The following GLB1L3 variants were observed in gnomAD, a reference collection of about 807,000 sequenced individuals.
GLB1L3 encodes the protein galactosidase beta 1 like 3.
GLB1L3 carries 89 observed loss-of-function variants against 89.5 expected under a neutral mutation model. That is an observed-to-expected ratio of 0.99 (90% CI 0.84 to 1.19). GLB1L3 has a LOEUF of 1.19. Among genes scored for constraint, GLB1L3 ranks in the 50% most tolerant of loss-of-function variants. The pLI, the probability that GLB1L3 is intolerant of heterozygous loss-of-function variation, is 0.00. For synonymous variants in GLB1L3, 314 were observed against 312.3 expected, an observed-to-expected ratio of 1.01 and a Z score of -0.06; for missense variants, 812 against 813.3, an observed-to-expected ratio of 1.00 and a Z score of 0.02.
Position 134,277,370 on chromosome 11 carries a change from C to CATTT in GLB1L3, c.71_74dup (p.Ser26TyrfsTer10), listed in dbSNP as rs761332446. ...AGAATGGCGGGCATCTTTTTCCTGC[C>CATTT]ATTTATCTCATCAGGTTTTGCTCCT... On this transcript the variant is annotated frameshift_variant, in exon 2 of 20. Coordinates refer to ENST00000431683, the MANE Select transcript of GLB1L3 (RefSeq NM_001080407.3). LOFTEE classifies it high-confidence loss of function. 2.5e-6 allele frequency: 4 copies of CATTT among 1,613,940 alleles called. No individual in the cohort carries two copies. The Admixed American group carries it at 6.7e-5, about 27-fold the overall frequency.
Position 134,314,380 on chromosome 11 carries a change from C to A in GLB1L3, c.1718C>A (p.Ala573Asp). ...GTCCCAGACAGCCACCAGGGCCCGGCCTTCTACTGTGGGACCTTGAAGGCT... is the reference window on the plus strand; with the variant it reads ...GTCCCAGACAGCCACCAGGGCCCGGACTTCTACTGTGGGACCTTGAAGGCT... Reference protein sequence around the residue: ...KPVPDSHQGPAFYCGTLKAGP... With the variant: ...KPVPDSHQGPDFYCGTLKAGP... The change falls in exon 18 of 20, where the codon GCC becomes GAC. Residue 573 changes from alanine to aspartate, a missense_variant. This residue lies in a region of GLB1L3 where 618 missense variants were observed against 604.0 expected (regional missense o/e 1.02). Coordinates refer to ENST00000431683, the MANE Select transcript of GLB1L3 (RefSeq NM_001080407.3). 2 of 1,551,628 alleles carry A rather than the reference C, an allele frequency of 1.3e-6. No homozygotes were observed. The highest frequency in any genetic ancestry group is 2.4e-5 in the East Asian group (1 of 40,918).
rs201473778 is a variant in GLB1L3 at position 134,278,285 on chromosome 11, A to T, written c.362+373A>T. On this transcript the variant is annotated intron_variant, in intron 3 of 19. Transcript: ENST00000431683. ...ATGCATGTTTTTAAAACAAAAAAAA[A>T]TTTTTTTTTTTGAGACACAGTTTGT... is the stretch of plus-strand genomic sequence containing the variant. Among the ~76,000 whole-genome samples, 244 of 134,378 alleles carry T rather than the reference A, an allele frequency of 1.8e-3. 3 individuals carry two copies. Among genetic ancestry groups the T allele is most frequent in the Middle Eastern group, 3.8e-3 (1 of 260 alleles). The allele number at this position is 134,378 out of a possible 152,430, so 88.2% of individuals were successfully genotyped here.
At chr11:134,312,943 G>A (rs1488437229) in intron 15 of GLB1L3, 56 bp downstream of exon 15, 14 of 1,208,438 alleles carry the variant, frequency 1.2e-5, no homozygotes, top group Non-Finnish European at 1.6e-5. Flanking sequence ...TGCAGACGGA[G>A]CCTGGTCCTG....
At chr11:134,310,794 C>A in intron 12 of GLB1L3, 143 bp downstream of exon 12, 1 of 663,642 alleles carries the variant, frequency 1.5e-6, no homozygotes, top group Non-Finnish European at 2.6e-6. Context: ...TAACTTCGAA[C>A]CCTGGGGTTA....
intron 11 of GLB1L3, 78 bp from the exon 12 acceptor site, chr11:134,310,493 C>CCAT: frequency 9.2e-7 from 1 of 1,091,722 alleles, no homozygotes; most frequent in Non-Finnish European, 1.4e-6. Flanking sequence ...GTGGCCCTGG[C>CCAT]CATCTCCTGC....
intron 16 of GLB1L3, 65 bp downstream of exon 16, chr11:134,313,539 T>C: frequency 1.1e-6 from 1 of 926,558 alleles, no homozygotes; most frequent in Non-Finnish European, 1.6e-6. Context: ...TGCACTGGAG[T>C]CGGGGGCGGG....
chr11:134,283,142 A>G (rs918373133), intron 5 of GLB1L3, among the ~76,000 whole-genome samples: 3 of 151,922 alleles, frequency 2.0e-5, no homozygotes, highest in African/African-American at 7.3e-5. Flanking sequence ...GGCTTGCTGC[A>G]ACCTCTGCCT....
intron 7 of GLB1L3, among the ~76,000 whole-genome samples, chr11:134,290,070 G>A (rs1312079267): frequency 4.6e-5 from 7 of 152,358 alleles, no homozygotes; most frequent in South Asian, 2.1e-4. Context: ...GCTGGCTCCC[G>A]CGCTATAGCT....
chr11:134,284,006 T>C (rs1338439147), intron 6 of GLB1L3, among the ~76,000 whole-genome samples, 161 bp downstream of exon 6: 1 of 152,190 alleles, frequency 6.6e-6, no homozygotes, highest in Non-Finnish European at 1.5e-5. Context: ...ACAGAAGCAC[T>C]GACCTGTCCT....
At position 134,313,403 on chromosome 11, in the gene GLB1L3, G is replaced by A. The variant is rs932591769; in HGVS notation, c.1508G>A (p.Arg503Gln). ...CCTGGCCTGTCCCAGCAGGACTGCC[G>A]ATACCTGAGGATCCTGGTGGAGAAT... ...DLHIPELRDC[R>Q]YLRILVENQG... Residue 503 changes from arginine to glutamine, a missense_variant, in exon 16 of 20, where the codon CGA (arginine) becomes CAA (glutamine). Arg to Gln is a conservative substitution (Grantham distance 43). Around this residue, in one of 3 missense-constraint regions of GLB1L3, gnomAD observed 618 missense variants for 604.0 expected, o/e 1.02. Transcript: ENST00000431683. 13 of 1,580,088 alleles carry A rather than the reference G, an allele frequency of 8.2e-6. No individual in the cohort carries two copies. The highest frequency in any genetic ancestry group is 1.7e-4 in the Middle Eastern group (1 of 6,058).
At chr11:134,283,675 C>A in intron 5 of GLB1L3, 62 bp from the exon 6 acceptor site, 2 of 919,332 alleles carry the variant, frequency 2.2e-6, no homozygotes, top group Non-Finnish European at 3.5e-6. Context: ...CAGCTCTGAG[C>A]CCACTCCTGC....
intron 10 of GLB1L3, among the ~76,000 whole-genome samples, chr11:134,308,317 C>T (rs1380824561): frequency 3.6e-5 from 2 of 55,962 alleles, no homozygotes; most frequent in Non-Finnish European, 7.3e-5. Context: ...ACCACTACCA[C>T]CACCATCACC....
chr11:134,312,402 G>C lies in GLB1L3; in HGVS notation c.1341G>C (p.Gly447=). Reference sequence around the variant, plus strand: ...TGGAGAACCTTCCCATAAACAATGGGAGCGGCCAGTCCTACGGGCTTGTCC... The same window carrying C: ...TGGAGAACCTTCCCATAAACAATGGCAGCGGCCAGTCCTACGGGCTTGTCC... ...VNMENLPINN[G]SGQSYGLVLY... The change falls in exon 14 of 20, where the codon GGG becomes GGC. Residue 447 remains glycine, a synonymous_variant. Transcript: ENST00000431683. 1.2e-6 allele frequency: 2 copies of C among 1,613,792 alleles called. No homozygotes were observed. Among genetic ancestry groups the C allele is most frequent in the Non-Finnish European group, 1.7e-6 (2 of 1,179,868 alleles).
In GLB1L3 at chr11:134,312,891, T is replaced by C. The variant is rs1591591327; in HGVS notation, c.1500+4T>C. 6.3e-7 allele frequency: 1 copy of C among 1,597,568 alleles called. No individual in the cohort carries two copies. Among genetic ancestry groups the C allele is most frequent in the Non-Finnish European group, 8.6e-7 (1 of 1,167,156 alleles). On this transcript the variant is annotated splice_donor_region_variant and intron_variant, in intron 15 of 19. Transcript: ENST00000431683. ...CCTGCACATTCCTGAACTCAGGGTA[T>C]GTAATTTGAGAGTCCAGGTGATGCC...
intron 5 of GLB1L3, among the ~76,000 whole-genome samples, chr11:134,282,452 G>C (rs1189007843): frequency 2.6e-5 from 4 of 152,184 alleles, no homozygotes; most frequent in Non-Finnish European, 5.9e-5. Context: ...AGGAGGGGCT[G>C]TAGCCTCCTC....
rs12785702 is a variant in GLB1L3 at position 134,291,321 on chromosome 11, C to T, written c.730-811C>T. On this transcript the variant is annotated intron_variant, in intron 7 of 19. Coordinates refer to ENST00000431683, the MANE Select transcript of GLB1L3 (RefSeq NM_001080407.3). ...AGTTTTACTCTGTCACCTAGGCTGG[C>T]GTGATCTCGGTTCATTGCAACCTCT... Among the ~76,000 whole-genome samples, 15 of 150,442 alleles carry T rather than the reference C, an allele frequency of 1.0e-4. 1 individual carries two copies. In the South Asian group the frequency reaches 2.3e-3, roughly 23 times the overall value.
At position 134,276,685 on chromosome 11, in the gene GLB1L3, G is replaced by A; in HGVS notation, c.-56G>A. 7.2e-7 allele frequency: 1 copy of A among 1,390,798 alleles called. No homozygotes were observed. The allele number at this position is 1,390,798 out of a possible 1,614,324, so 86.2% of individuals were successfully genotyped here. The stretch of plus-strand genomic sequence containing the variant: ...GTCCCGGCCCGAGCGCGGCGTCGGG[G>A]CCAGCGGAGAGGGGCGGAAGCCGCA... On this transcript the variant is annotated 5_prime_UTR_variant, in exon 1 of 20. Transcript: ENST00000431683.
At chr11:134,311,329 A>G (rs1368328185) in intron 13 of GLB1L3, 159 bp downstream of exon 13, 12 of 658,726 alleles carry the variant, frequency 1.8e-5, no homozygotes, top group Non-Finnish European at 3.3e-5. Context: ...TTCCGGGTGG[A>G]CTGTGAAGGG....
At chr11:134,293,437 A>G (rs560056266) in intron 9 of GLB1L3, among the ~76,000 whole-genome samples, 1 of 152,066 alleles carries the variant, frequency 6.6e-6, no homozygotes, top group East Asian at 1.9e-4. Flanking sequence ...GATGAGTGGG[A>G]AGGGCGAGGG....
Sources: allele counts gnomAD v4.1 joint callset (sites outside exome capture counted in the v4.1 genomes callset), GRCh38; gene constraint gnomAD v4.1.1; regional missense constraint gnomAD v4.1.1; transcripts MANE v1.5; gene names NCBI Gene and HGNC (gene_info 2026-07-23, HGNC 2026-07-21).